CSMD1: variants seen among roughly 807,000 people sequenced by gnomAD.
CSMD1 encodes the protein CUB and Sushi multiple domains 1.
CSMD1 carries 213 observed loss-of-function variants against 417.5 expected under a neutral mutation model. The observed-to-expected ratio is 0.51, with a 90% CI of 0.46 to 0.57. The LOEUF (loss-of-function observed/expected upper bound fraction) is 0.57, where lower values mean the gene tolerates loss of function less well. CSMD1 is among the 20% of genes least tolerant of loss of function. CSMD1 has a pLI of 0.00. For synonymous variants in CSMD1, 2,862 were observed against 1,736.8 expected, an observed-to-expected ratio of 1.65 and a Z score of -16.11; for missense variants, 6,923 against 4,529.7, an observed-to-expected ratio of 1.53 and a Z score of -15.17.
intron 16 of CSMD1, among the ~76,000 whole-genome samples, chr8:3,397,814 C>T (rs7833969): frequency 0.39 from 58,697 of 151,926 alleles, 11,809 homozygotes; most frequent in Middle Eastern, 0.45. Context: ...ATGTTCTTTG[C>T]TGTTGGGCAG....
chr8:3,969,864 C>G (rs575641008), intron 5 of CSMD1, among the ~76,000 whole-genome samples: 120 of 152,254 alleles, frequency 7.9e-4, no homozygotes, highest in African/African-American at 2.6e-3. Context: ...TTCTAGAAAG[C>G]TGTCAAATTA....
intron 3 of CSMD1, among the ~76,000 whole-genome samples, chr8:4,136,282 C>A (rs527591343): frequency 7.9e-5 from 12 of 152,218 alleles, no homozygotes; most frequent in Non-Finnish European, 1.6e-4. Context: ...CAGGAACACA[C>A]AGGGACCATC....
At chr8:4,153,864 T>C (rs573165668) in intron 3 of CSMD1, among the ~76,000 whole-genome samples, 187 of 152,334 alleles carry the variant, frequency 1.2e-3, no homozygotes, top group African/African-American at 4.2e-3. Context: ...TATGTGGCTT[T>C]CCTGACTCAT....
chr8:4,704,239 G>C (rs1166147018), intron 1 of CSMD1, among the ~76,000 whole-genome samples: 1 of 152,204 alleles, frequency 6.6e-6, no homozygotes, highest in Non-Finnish European at 1.5e-5. Flanking sequence ...ATTTGCATTT[G>C]TAATCCCTGT....
intron 3 of CSMD1, among the ~76,000 whole-genome samples, chr8:4,077,307 A>ATATATATATATATGTG (rs1799881699): frequency 7.1e-6 from 1 of 141,516 alleles, no homozygotes; most frequent in African/African-American, 2.7e-5. Flanking sequence ...GTATATATAT[A>ATATATATATATATGTG]TATATATATA....
At chr8:4,481,051 A>C (rs1413081871) in intron 2 of CSMD1, among the ~76,000 whole-genome samples, 4 of 152,230 alleles carry the variant, frequency 2.6e-5, no homozygotes, top group Non-Finnish European at 5.9e-5. Flanking sequence ...AAGTAGTGAC[A>C]AGATATGAAT....
intron 3 of CSMD1, among the ~76,000 whole-genome samples, chr8:4,418,349 C>T (rs1236295803): frequency 6.6e-6 from 1 of 151,958 alleles, no homozygotes; most frequent in Non-Finnish European, 1.5e-5. Flanking sequence ...ACAATCTTGC[C>T]CTATTTTCTT....
At chr8:4,023,604 T>G (rs1796897923) in intron 4 of CSMD1, among the ~76,000 whole-genome samples, 1 of 142,160 alleles carries the variant, frequency 7.0e-6, no homozygotes, top group South Asian at 2.3e-4. Context: ...TTTTTTTTCC[T>G]GACACGGAGT....
intron 5 of CSMD1, among the ~76,000 whole-genome samples, chr8:3,818,806 C>G (rs115593160): frequency 7.1e-4 from 108 of 152,294 alleles, no homozygotes; most frequent in African/African-American, 2.5e-3. Flanking sequence ...GTCCCTCTTT[C>G]CCTTTGAGTC....
chr8:4,415,427 C>A (rs189614784), intron 3 of CSMD1, among the ~76,000 whole-genome samples: 5 of 152,078 alleles, frequency 3.3e-5, no homozygotes, highest in Admixed American at 3.3e-4. Flanking sequence ...ATTTAGCGCA[C>A]GTGCTTTAAT....
chr8:4,464,538 TAA>T (rs1800037704), intron 2 of CSMD1, among the ~76,000 whole-genome samples: 1 of 152,100 alleles, frequency 6.6e-6, no homozygotes, highest in African/African-American at 2.4e-5. Flanking sequence ...AATATTGAAC[TAA>T]AAGTGAAAAG....
chr8:3,599,368 A>C (rs1801250619), intron 8 of CSMD1, among the ~76,000 whole-genome samples: 1 of 152,018 alleles, frequency 6.6e-6, no homozygotes. Flanking sequence ...ATTAACCCCA[A>C]CTCAGCATCA....
chr8:4,592,986 T>C (rs1800066871), intron 2 of CSMD1, among the ~76,000 whole-genome samples: 1 of 152,236 alleles, frequency 6.6e-6, no homozygotes. Context: ...CAGGCTTTCC[T>C]GTGAAATTCA....
chr8:4,713,422 G>C (rs571143244), intron 1 of CSMD1, among the ~76,000 whole-genome samples: 2 of 136,068 alleles, frequency 1.5e-5, no homozygotes, highest in East Asian at 2.0e-4. Context: ...TTGTTTTTGA[G>C]ACAGACTCTC....
chr8:4,562,737 G>C (rs6980912), intron 2 of CSMD1, among the ~76,000 whole-genome samples: 29,977 of 151,932 alleles, frequency 0.2, 2,928 homozygotes, highest in South Asian at 0.2. Context: ...CCTTCAGACA[G>C]ATGCATGCTG....
At position 4,272,085 on chromosome 8, in the gene CSMD1, A is replaced by C. The variant is rs1199109146; in HGVS notation, c.415+147868T>G. ...TAGTTCAAACCTGCACTGTTCAACT[A>C]TCAACTGTACACCCACACCTGTCAG... On this transcript the variant is annotated intron_variant, in intron 3 of 69. Coordinates refer to ENST00000635120, the MANE Select transcript of CSMD1 (RefSeq NM_033225.6). 2.0e-5 allele frequency among the ~76,000 whole-genome samples: 3 copies of C among 152,236 alleles called. No individual in the cohort carries two copies. The East Asian group carries it at 5.8e-4, about 29-fold the overall frequency.
At chr8:3,420,248 G>A (rs79657794) in intron 12 of CSMD1, among the ~76,000 whole-genome samples, 9,662 of 152,036 alleles carry the variant, frequency 0.064, 364 homozygotes, top group East Asian at 0.16. Flanking sequence ...CACAAGAAAA[G>A]CATCAGATAA....
intron 3 of CSMD1, among the ~76,000 whole-genome samples, chr8:4,303,593 T>C (rs1352602356): frequency 6.6e-6 from 1 of 152,126 alleles, no homozygotes; most frequent in African/African-American, 2.4e-5. Flanking sequence ...TGTGGCACCT[T>C]CTGGACATTG....
intron 7 of CSMD1, among the ~76,000 whole-genome samples, chr8:3,676,725 TG>T (rs1799394082): frequency 2.0e-5 from 3 of 152,262 alleles, no homozygotes; most frequent in Admixed American, 2.0e-4. Flanking sequence ...GTGTGATCAT[TG>T]AAATACGTAT....
Sources: allele counts gnomAD v4.1 joint callset (sites outside exome capture counted in the v4.1 genomes callset), GRCh38; gene constraint gnomAD v4.1.1; transcripts MANE v1.5; gene names NCBI Gene and HGNC (gene_info 2026-07-23, HGNC 2026-07-21).